The following FRMD4B variants were observed in gnomAD, a reference collection of about 807,000 sequenced individuals.
FRMD4B encodes FERM domain containing 4B, also known as FERM domain-containing protein 4B.
In FRMD4B, 74 loss-of-function variants were observed where a neutral mutation model predicts 141.5. The ratio of observed to expected loss-of-function variants is 0.52; its 90% confidence interval spans 0.43 to 0.63. FRMD4B has a LOEUF of 0.63. FRMD4B is among the 30% of genes least tolerant of loss of function. The probability of loss-of-function intolerance (pLI) is 0.00; values close to 1 mark genes in which losing one functional copy is unlikely to be tolerated. For synonymous variants in FRMD4B, 506 were observed against 467.9 expected (o/e 1.08, Z -1.05); for missense variants, 1,366 against 1,253.4 (o/e 1.09, Z -1.36).
chr3:69,384,874 CAT>C (rs1704211502), intron 1 of FRMD4B, among the ~76,000 whole-genome samples: 1 of 152,018 alleles, frequency 6.6e-6, no homozygotes, highest in Non-Finnish European at 1.5e-5. Flanking sequence ...AAATTCTAGA[CAT>C]ATTAGGAACA....
intron 1 of FRMD4B, among the ~76,000 whole-genome samples, chr3:69,314,138 C>CA (rs57956106): frequency 0.018 from 241 of 13,174 alleles, 82 homozygotes; most frequent in African/African-American, 0.05. Flanking sequence ...GACTCCGTCT[C>CA]AAAAAAAAAA....
intron 1 of FRMD4B, among the ~76,000 whole-genome samples, chr3:69,322,110 C>T (rs1029492319): frequency 2.0e-5 from 3 of 152,222 alleles, no homozygotes; most frequent in Non-Finnish European, 4.4e-5. Context: ...ACACTCTTTC[C>T]ACCCAGAGAA....
chr3:69,471,123 T>C (rs1374346232), intron 1 of FRMD4B, among the ~76,000 whole-genome samples: 1 of 152,190 alleles, frequency 6.6e-6, no homozygotes, highest in Non-Finnish European at 1.5e-5. Context: ...TTCTAATCAT[T>C]TGAAGTTACA....
intron 22 of FRMD4B, among the ~76,000 whole-genome samples, chr3:69,172,523 T>A (rs183763752): frequency 1.3e-5 from 2 of 152,346 alleles, no homozygotes; most frequent in East Asian, 3.9e-4. Flanking sequence ...TTTAACTTTT[T>A]AAAAAGTATA....
At chr3:69,519,694 T>C (rs369251522) in intron 1 of FRMD4B, among the ~76,000 whole-genome samples, 77 of 152,196 alleles carry the variant, frequency 5.1e-4, no homozygotes, top group African/African-American at 1.8e-3. Context: ...GTTGGTTACA[T>C]GAGTAAGTTC....
chr3:69,401,965 C>T (rs142881966), intron 2 of FRMD4B, among the ~76,000 whole-genome samples: 1 of 152,124 alleles, frequency 6.6e-6, no homozygotes. Context: ...AAATGTTTTT[C>T]ATAATAAATG....
rs551993816 is a variant in FRMD4B at position 69,214,723 on chromosome 3, A to G, written c.876+1540T>C. ...AAAACTTTCTAAAAATGATCTGGGC[A>G]TGGTAGCATGTGTCTGTAGTCCAAG... On this transcript the variant is annotated intron_variant, in intron 11 of 22. Coordinates refer to ENST00000398540, the MANE Select transcript of FRMD4B (RefSeq NM_015123.3). Among the ~76,000 whole-genome samples, 181 of 152,192 alleles carry G rather than the reference A, an allele frequency of 1.2e-3. 1 individual carries two copies. The highest frequency in any genetic ancestry group is 4.0e-3 in the African/African-American group (168 of 41,568).
intron 7 of FRMD4B, among the ~76,000 whole-genome samples, chr3:69,248,297 G>A (rs1413854236): frequency 2.6e-5 from 4 of 152,032 alleles, no homozygotes; most frequent in Non-Finnish European, 5.9e-5. Context: ...AAACAGAACT[G>A]GTGGGAGATT....
intron 1 of FRMD4B, among the ~76,000 whole-genome samples, chr3:69,441,265 T>C (rs1252005556): frequency 6.6e-6 from 1 of 152,214 alleles, no homozygotes; most frequent in African/African-American, 2.4e-5. Flanking sequence ...TTTACTTTTT[T>C]TTCTAAGGTT....
At chr3:69,260,846 G>C (rs1435601254) in intron 5 of FRMD4B, among the ~76,000 whole-genome samples, 9 of 152,222 alleles carry the variant, frequency 5.9e-5, no homozygotes, top group Non-Finnish European at 1.3e-4. Flanking sequence ...TAACCTAGTA[G>C]GCACTTGGAG....
intron 7 of FRMD4B, among the ~76,000 whole-genome samples, chr3:69,237,371 A>G (rs150639178): frequency 6.6e-6 from 1 of 152,346 alleles, no homozygotes; most frequent in Non-Finnish European, 1.5e-5. Flanking sequence ...ACCTTAAACC[A>G]AGTCAGGTTG....
At chr3:69,367,060 C>G (rs570973462) in intron 1 of FRMD4B, among the ~76,000 whole-genome samples, 1 of 152,080 alleles carries the variant, frequency 6.6e-6, no homozygotes, top group African/African-American at 2.4e-5. Context: ...AGCCACCGTG[C>G]CAAGTGAACA....
intron 11 of FRMD4B, among the ~76,000 whole-genome samples, chr3:69,212,176 A>G (rs1372376322): frequency 6.6e-5 from 10 of 151,746 alleles, no homozygotes; most frequent in African/African-American, 2.4e-4. Context: ...CTTGGCCAGC[A>G]TGGTGAAAAC....
chr3:69,448,951 G>C (rs1239259507), intron 1 of FRMD4B, among the ~76,000 whole-genome samples: 1 of 152,116 alleles, frequency 6.6e-6, no homozygotes, highest in Non-Finnish European at 1.5e-5. Context: ...GAAGGAAAAG[G>C]CTTTGCTCTC....
intron 7 of FRMD4B, among the ~76,000 whole-genome samples, chr3:69,245,492 G>A (rs1445413958): frequency 1.3e-5 from 2 of 152,008 alleles, no homozygotes; most frequent in Non-Finnish European, 2.9e-5. Flanking sequence ...TATTACAGAT[G>A]TGTGCTGCCA....
chr3:69,323,640 A>G (rs1429488650), intron 1 of FRMD4B, among the ~76,000 whole-genome samples: 6 of 83,248 alleles, frequency 7.2e-5, no homozygotes, highest in East Asian at 2.7e-4. Flanking sequence ...ATATATATAT[A>G]TATATATATA....
intron 1 of FRMD4B, among the ~76,000 whole-genome samples, chr3:69,465,914 G>A (rs562979105): frequency 3.8e-4 from 58 of 152,118 alleles, no homozygotes; most frequent in Non-Finnish European, 6.2e-4. Flanking sequence ...CCCCGTAATG[G>A]GATTGCTGGG....
At chr3:69,457,469 A>C (rs1705638048) in intron 1 of FRMD4B, among the ~76,000 whole-genome samples, 1 of 152,228 alleles carries the variant, frequency 6.6e-6, no homozygotes, top group Non-Finnish European at 1.5e-5. Flanking sequence ...AAAAAGCAAC[A>C]ATGTTTCTAC....
At position 69,526,910 on chromosome 3, in the gene FRMD4B, C is replaced by T. The variant is rs143719467; in HGVS notation, c.-129+15296G>A. Among the ~76,000 whole-genome samples, 127 of 152,276 alleles carry T rather than the reference C, an allele frequency of 8.3e-4. 1 individual carries two copies. The highest frequency in any genetic ancestry group is 2.6e-3 in the African/African-American group (109 of 41,550). ...AAATCTACTTAAAACTTTTCCACTG[C>T]GCCTCCCATATCCACTTCAGGGCCT... On this transcript the variant is annotated intron_variant, in intron 1 of 5. Transcript: ENST00000459638.
Sources: gnomAD v4.1 joint callset for allele counts (sites outside exome capture counted in the v4.1 genomes callset) on GRCh38, gnomAD v4.1.1 for gene constraint, MANE v1.5 for transcripts, NCBI Gene and HGNC (gene_info 2026-07-23, HGNC 2026-07-21) for gene names.